The following CLSTN2 variants were observed in gnomAD, a reference collection of about 807,000 sequenced individuals.
CLSTN2 encodes calsyntenin-2.
Under a neutral mutation model 101.2 loss-of-function variants are expected in CLSTN2, and 48 were observed. The ratio of observed to expected loss-of-function variants is 0.47; its 90% CI spans 0.38 to 0.60. The LOEUF (loss-of-function observed/expected upper bound fraction) is 0.60, where lower values mean the gene tolerates loss of function less well. CLSTN2 is among the 20% of genes least tolerant of loss of function. The probability of loss-of-function intolerance (pLI) is 0.00; values close to 1 mark genes in which losing one functional copy is unlikely to be tolerated. For missense variants in CLSTN2, 1,160 were observed against 1,238.2 expected, an observed-to-expected ratio of 0.94 and a Z score of 0.95; for synonymous variants, 481 against 463.6, an observed-to-expected ratio of 1.04 and a Z score of -0.48.
chr3:139,935,374 G>A lies in CLSTN2; in HGVS notation c.-1G>A. 9 of 1,227,974 alleles carry A rather than the reference G, an allele frequency of 7.3e-6. No homozygotes were observed. Among genetic ancestry groups the A allele is most frequent in the Non-Finnish European group, 8.1e-6 (8 of 984,948 alleles). 76.1% of individuals were successfully genotyped at this position (1,227,974 alleles called of 1,614,324 possible). On this transcript the variant is annotated 5_prime_UTR_variant, in exon 1 of 17. Transcript: ENST00000458420. The surrounding 1 kb of genome is among the most constrained non-coding windows in gnomAD (Gnocchi z 5.5). ...GCAGCTCGTTGGCGGCTGCTGCGAG[G>A]ATGCTGCCTGGGCGGCTGTGCTGGG...
At chr3:140,283,583 C>A (rs1056965900) in intron 2 of CLSTN2, among the ~76,000 whole-genome samples, 3 of 152,116 alleles carry the variant, frequency 2.0e-5, no homozygotes, top group African/African-American at 7.2e-5. Context: ...ACACTGGTAC[C>A]CTGGACTCCT....
chr3:140,116,152 A>G (rs1476645159), intron 1 of CLSTN2, among the ~76,000 whole-genome samples: 1 of 151,936 alleles, frequency 6.6e-6, no homozygotes, highest in African/African-American at 2.4e-5. Context: ...ATACACATCC[A>G]CCTCCACAGT....
chr3:140,017,915 G>A (rs561590350), intron 1 of CLSTN2, among the ~76,000 whole-genome samples: 4 of 152,288 alleles, frequency 2.6e-5, no homozygotes, highest in East Asian at 3.9e-4. Context: ...ATGAGCACTC[G>A]GCCTATGCCA....
intron 2 of CLSTN2, among the ~76,000 whole-genome samples, chr3:140,372,748 T>C (rs780014893): frequency 2.6e-5 from 4 of 152,152 alleles, no homozygotes; most frequent in Non-Finnish European, 5.9e-5. Context: ...CAAGAATGCA[T>C]AGTAATGGGA....
chr3:140,399,568 G>A (rs1488384202), intron 2 of CLSTN2, among the ~76,000 whole-genome samples: 1 of 152,038 alleles, frequency 6.6e-6, no homozygotes, highest in East Asian at 1.9e-4. Flanking sequence ...AAATATAAGA[G>A]CATTTAGCTA....
intron 1 of CLSTN2, among the ~76,000 whole-genome samples, chr3:139,944,697 G>T (rs549325616): frequency 6.6e-6 from 1 of 152,228 alleles, no homozygotes; most frequent in African/African-American, 2.4e-5. Context: ...GTGCTAGGGC[G>T]CTGCTGCCCA....
At chr3:140,426,487 G>C (rs762286591) in intron 5 of CLSTN2, among the ~76,000 whole-genome samples, 1 of 152,114 alleles carries the variant, frequency 6.6e-6, no homozygotes, top group African/African-American at 2.4e-5. Flanking sequence ...ATAGTATTCC[G>C]TGGTGTATAT....
At chr3:140,147,569 G>A (rs547322439) in intron 1 of CLSTN2, among the ~76,000 whole-genome samples, 5 of 152,178 alleles carry the variant, frequency 3.3e-5, no homozygotes, top group African/African-American at 7.2e-5. Flanking sequence ...GTGGTTTTGA[G>A]GGCAGCTGAA....
intron 1 of CLSTN2, among the ~76,000 whole-genome samples, chr3:139,985,781 G>T (rs1159473985): frequency 6.6e-6 from 1 of 152,194 alleles, no homozygotes; most frequent in Non-Finnish European, 1.5e-5. Flanking sequence ...TTCAGTTTAT[G>T]TTATCCAGAG....
At chr3:140,233,075 G>A (rs1160282295) in intron 2 of CLSTN2, among the ~76,000 whole-genome samples, 2 of 152,086 alleles carry the variant, frequency 1.3e-5, no homozygotes, top group Non-Finnish European at 2.9e-5. Context: ...ATTACCCTAA[G>A]AATTGGGCCC....
chr3:140,431,045 T>A (rs890560240), intron 5 of CLSTN2, among the ~76,000 whole-genome samples: 6 of 152,232 alleles, frequency 3.9e-5, no homozygotes, highest in Non-Finnish European at 8.8e-5. Flanking sequence ...ATAGCCTGCA[T>A]GTCCTTAAGC....
intron 6 of CLSTN2, chr3:140,453,085 T>G (rs1933289685): frequency 6.6e-6 from 1 of 152,242 alleles, no homozygotes; most frequent in Non-Finnish European, 1.5e-5. Context: ...AGGTCCACTT[T>G]GATGGCCCTA....
At chr3:140,560,519 G>A (rs1479641925) in intron 12 of CLSTN2, among the ~76,000 whole-genome samples, 1 of 152,244 alleles carries the variant, frequency 6.6e-6, no homozygotes, top group South Asian at 2.1e-4. Context: ...CCAACTGCTG[G>A]TGCTTCCCTC....
At chr3:140,028,496 C>T (rs1315353783) in intron 1 of CLSTN2, among the ~76,000 whole-genome samples, 2 of 152,112 alleles carry the variant, frequency 1.3e-5, no homozygotes, top group Non-Finnish European at 2.9e-5. Context: ...GAAGGGCTCC[C>T]ATGTTAGGAT....
chr3:140,330,181 A>G (rs1484024536), intron 2 of CLSTN2, among the ~76,000 whole-genome samples: 1 of 152,162 alleles, frequency 6.6e-6, no homozygotes, highest in Non-Finnish European at 1.5e-5. Context: ...CCAGTGTCTG[A>G]TTTGGCAAGT....
intron 2 of CLSTN2, among the ~76,000 whole-genome samples, chr3:140,226,650 G>A (rs1034157289): frequency 2.6e-5 from 4 of 152,104 alleles, no homozygotes; most frequent in Non-Finnish European, 5.9e-5. Flanking sequence ...AATGGAACAG[G>A]ACCTAAACTA....
chr3:140,060,970 A>G (rs1002252126), intron 1 of CLSTN2, among the ~76,000 whole-genome samples: 6 of 152,172 alleles, frequency 3.9e-5, no homozygotes, highest in Non-Finnish European at 8.8e-5. Flanking sequence ...CAGAGGAGTT[A>G]ACGATCAGGA....
chr3:140,554,229 T>C (rs1935758062), intron 10 of CLSTN2, among the ~76,000 whole-genome samples: 1 of 152,152 alleles, frequency 6.6e-6, no homozygotes, highest in South Asian at 2.1e-4. Flanking sequence ...TGACAAAGAT[T>C]GAGCTATCAG....
chr3:140,014,253 C>T (rs1245940528), intron 1 of CLSTN2, among the ~76,000 whole-genome samples: 1 of 151,952 alleles, frequency 6.6e-6, no homozygotes, highest in Non-Finnish European at 1.5e-5. Flanking sequence ...CAGACAGAGC[C>T]TCACTCTGTC....
Sources: gnomAD v4.1 joint callset for allele counts (sites outside exome capture counted in the v4.1 genomes callset) on GRCh38, gnomAD v4.1.1 for gene constraint, Gnocchi (gnomAD v3.1) non-coding constraint, MANE v1.5 for transcripts, NCBI Gene and HGNC (gene_info 2026-07-23, HGNC 2026-07-21) for gene names.